TRPM4: variants seen among roughly 807,000 people sequenced by gnomAD.
TRPM4 encodes the protein transient receptor potential cation channel subfamily M member 4.
Under a neutral mutation model 135.6 loss-of-function variants are expected in TRPM4, and 124 were observed. The observed-to-expected ratio is 0.91, with a 90% CI of 0.79 to 1.06. The LOEUF (loss-of-function observed/expected upper bound fraction) is 1.06, where lower values mean the gene tolerates loss of function less well. Ranked by LOEUF, TRPM4 falls within the 50% of genes least tolerant of loss-of-function variation. The pLI is 0.00. For missense variants in TRPM4, 1,658 were observed against 1,671.4 expected, an observed-to-expected ratio of 0.99 and a Z score of 0.14; for synonymous variants, 745 against 705.6, an observed-to-expected ratio of 1.06 and a Z score of -0.88.
chr19:49,194,647 CTCTT>C (rs374929300), intron 16 of TRPM4, among the ~76,000 whole-genome samples: 2,644 of 97,336 alleles, frequency 0.027, 97 homozygotes, highest in African/African-American at 0.12. Flanking sequence ...CTTTCTCTCT[CTCTT>C]TCTCTCTCTG....
Position 49,183,109 on chromosome 19 carries a change from C to G in TRPM4, c.1640C>G (p.Pro547Arg). ...MYLLSDKATS[P>R]LSLDAGLGQA... is the part of the protein sequence containing the mutation. ...CTGCTCTCGGACAAGGCCACCTCGC[C>G]GCTCTCGCTGGATGCTGGCCTCGGG... is the stretch of plus-strand genomic sequence containing the variant. The change falls in exon 12 of 25, where the codon CCG becomes CGG. Residue 547 changes from proline to arginine, a missense_variant. Pro to Arg is a moderately radical substitution (Grantham distance 103). This residue lies in a region of TRPM4 where 1,412 missense variants were observed against 1,408.7 expected (regional missense o/e 1.00). Coordinates refer to ENST00000252826, the MANE Select transcript of TRPM4 (RefSeq NM_017636.4). 1 of 1,613,454 alleles carries G rather than the reference C, an allele frequency of 6.2e-7. No individual in the cohort carries two copies. Among genetic ancestry groups the G allele is most frequent in the South Asian group, 1.1e-5 (1 of 91,036 alleles).
chr19:49,193,080 G>GGTTTTTTTTTTTTTTTT (rs544387196), intron 16 of TRPM4, among the ~76,000 whole-genome samples: 1 of 132,800 alleles, frequency 7.5e-6, no homozygotes, highest in Non-Finnish European at 1.6e-5. Flanking sequence ...AAATCAGTTG[G>GGTTTTTTTTTTTTTTTT]TTTTTTTTTT....
chr19:49,195,578 C>T (rs1276047194), intron 16 of TRPM4, among the ~76,000 whole-genome samples: 1 of 152,040 alleles, frequency 6.6e-6, no homozygotes, highest in African/African-American at 2.4e-5. Context: ...CCATGTTGGT[C>T]AGGCTGGTCT....
rs1417167529 is a variant in TRPM4 at position 49,180,528 on chromosome 19, C to T, written c.1151-821C>T. On this transcript the variant is annotated intron_variant, in intron 9 of 24. Transcript: ENST00000252826. Reference sequence around the variant, plus strand: ...TGCCTGCTGCTTTGAACGCCCTTTTCGCACCTTAGGGGCATACCTCCCAGT... The same window carrying T: ...TGCCTGCTGCTTTGAACGCCCTTTTTGCACCTTAGGGGCATACCTCCCAGT... 4.6e-5 allele frequency among the ~76,000 whole-genome samples: 7 copies of T among 151,146 alleles called. No homozygotes were observed. The East Asian group carries it at 1.2e-3, about 25-fold the overall frequency.
intron 19 of TRPM4, among the ~76,000 whole-genome samples, chr19:49,201,584 G>A (rs1008081530): frequency 1.3e-5 from 2 of 152,156 alleles, no homozygotes; most frequent in South Asian, 2.1e-4. Flanking sequence ...GGGGAGGAAA[G>A]TCTTTGAAGA....
In TRPM4 at chr19:49,199,617, C is replaced by G. The variant is rs534981690; in HGVS notation, c.2646-683C>G. On this transcript the variant is annotated intron_variant, in intron 17 of 24. Transcript: ENST00000252826. ...TTGTATATGTATAAATGTATATACT[C>G]CTTATACTCTGGATCCTAATCCTCG... Among the ~76,000 whole-genome samples the G allele has an allele frequency of 1.0e-3, 152 of 151,704 alleles. 1 individual carries two copies. The highest frequency in any genetic ancestry group is 1.8e-3 in the Non-Finnish European group (124 of 67,984).
rs761623192 is a variant in TRPM4, at chr19:49,166,225, G to C, written c.267+10G>C. ...CCGCAAGCACAGCAATGTGAGGCGGGCCTCTGTGGGCGGGGCCCGGGCACC... is the reference window on the plus strand; with the variant it reads ...CCGCAAGCACAGCAATGTGAGGCGGCCCTCTGTGGGCGGGGCCCGGGCACC... On this transcript the variant is annotated intron_variant, in intron 3 of 24. Coordinates refer to ENST00000252826, the MANE Select transcript of TRPM4 (RefSeq NM_017636.4). The C allele has an allele frequency of 6.3e-7, 1 of 1,589,930 alleles. No individual in the cohort carries two copies. Among genetic ancestry groups the C allele is most frequent in the African/African-American group, 1.3e-5 (1 of 74,628 alleles).
chr19:49,162,651 C>G (rs1967009354), intron 2 of TRPM4, among the ~76,000 whole-genome samples: 1 of 152,006 alleles, frequency 6.6e-6, no homozygotes, highest in South Asian at 2.1e-4. Flanking sequence ...GCTCCTAGCA[C>G]TGAATGTCAG....
chr19:49,195,327 A>G (rs767359856), intron 16 of TRPM4, among the ~76,000 whole-genome samples: 64 of 152,102 alleles, frequency 4.2e-4, no homozygotes, highest in Admixed American at 2.0e-4. Flanking sequence ...CACACTTCAC[A>G]TAAGTGGAGC....
chr19:49,163,762 T>G (rs1039936005), intron 2 of TRPM4, among the ~76,000 whole-genome samples: 2 of 152,204 alleles, frequency 1.3e-5, no homozygotes, highest in Non-Finnish European at 1.5e-5. Flanking sequence ...CCCAAAGTGC[T>G]TGGATTGTGC....
chr19:49,164,769 T>C (rs1967111554), intron 2 of TRPM4, among the ~76,000 whole-genome samples: 1 of 151,988 alleles, frequency 6.6e-6, no homozygotes. Flanking sequence ...CTCACTCTGT[T>C]GCCCAGGTTG....
intron 2 of TRPM4, 119 bp from the exon 3 acceptor site, chr19:49,165,922 C>T: frequency 9.4e-7 from 1 of 1,066,740 alleles, no homozygotes; most frequent in East Asian, 2.6e-5. Flanking sequence ...TGGACTCTGC[C>T]TGCCTCTGTG....
At chr19:49,182,180 CCATT>C (rs2122925462) in intron 10 of TRPM4, among the ~76,000 whole-genome samples, 1 of 148,782 alleles carries the variant, frequency 6.7e-6, no homozygotes, top group East Asian at 2.0e-4. Flanking sequence ...ATCTACCTAT[CCATT>C]CATCCATACA....
At chr19:49,191,941 G>C (rs1032043583) in intron 16 of TRPM4, among the ~76,000 whole-genome samples, 5 of 152,148 alleles carry the variant, frequency 3.3e-5, no homozygotes, top group Non-Finnish European at 7.3e-5. Flanking sequence ...CCATCAAGGA[G>C]GCCATCACCA....
chr19:49,210,495 C>A lies in TRPM4; in HGVS notation c.3328+90C>A. On this transcript the variant is annotated intron_variant, in intron 21 of 24. Coordinates refer to ENST00000252826, the MANE Select transcript of TRPM4 (RefSeq NM_017636.4). This position sits in a 1 kb window ranked among gnomAD's most constrained non-coding sequence, Gnocchi z 4.1. ...AAGGGGGCATGCCCCAAATGACTAA[C>A]GGGCGTGGCTTAGGTAGCGAGGGGC... is the stretch of plus-strand genomic sequence containing the variant. 1 of 1,514,866 alleles carries A rather than the reference C, an allele frequency of 6.6e-7. No homozygotes were observed. Among genetic ancestry groups the A allele is most frequent in the Non-Finnish European group, 9.0e-7 (1 of 1,109,480 alleles). 93.8% of individuals were successfully genotyped at this position (1,514,866 alleles called of 1,614,324 possible). A position where few individuals can be genotyped will look rare whatever the true frequency, so the allele number is the denominator to read the frequency against.
chr19:49,191,223 T>C (rs1000061839), intron 16 of TRPM4, among the ~76,000 whole-genome samples: 1 of 152,138 alleles, frequency 6.6e-6, no homozygotes, highest in African/African-American at 2.4e-5. Flanking sequence ...TCTTTTTTTT[T>C]GATACGGAGT....
intron 9 of TRPM4, among the ~76,000 whole-genome samples, chr19:49,180,536 A>T: frequency 6.7e-6 from 1 of 149,316 alleles, no homozygotes; most frequent in East Asian, 2.0e-4. Context: ...TTCGCACCTT[A>T]GGGGCATACC....
chr19:49,175,356 TG>T (rs1967645364), intron 9 of TRPM4, among the ~76,000 whole-genome samples: 1 of 152,138 alleles, frequency 6.6e-6, no homozygotes, highest in African/African-American at 2.4e-5. Context: ...ATTACAGGCA[TG>T]AGCCACTGTG....
Position 49,188,625 on chromosome 19 carries a change from C to T in TRPM4, c.1744-16C>T. The T allele has an allele frequency of 3.1e-6, 5 of 1,614,198 alleles. No homozygotes were observed. The highest frequency in any genetic ancestry group is 3.4e-6 in the Non-Finnish European group (4 of 1,180,042). On this transcript the variant is annotated splice_polypyrimidine_tract_variant and intron_variant, in intron 12 of 24. Coordinates refer to ENST00000252826, the MANE Select transcript of TRPM4 (RefSeq NM_017636.4). ...GAACCCTCTTTGACGCATCCGTGCC[C>T]TCTTTGTCTCTCCAGGGTTCCAATG...
Sources: allele counts gnomAD v4.1 joint callset (sites outside exome capture counted in the v4.1 genomes callset), GRCh38; gene constraint gnomAD v4.1.1; regional missense constraint gnomAD v4.1.1; non-coding constraint Gnocchi (gnomAD v3.1); transcripts MANE v1.5; gene names NCBI Gene and HGNC (gene_info 2026-07-23, HGNC 2026-07-21).